EYS: variants seen among roughly 807,000 people sequenced by gnomAD.
EYS encodes the protein EGF-like photoreceptor maintenance factor.
In EYS, 250 loss-of-function variants were observed where a neutral mutation model predicts 282.1. That is an observed-to-expected ratio of 0.89 (90% CI 0.80 to 0.98). EYS has a LOEUF of 0.98. Among genes scored for constraint, EYS ranks in the 50% least tolerant of loss-of-function variants. The pLI is 0.00. For synonymous variants in EYS, 1,355 were observed against 1,282.9 expected, an observed-to-expected ratio of 1.06 and a Z score of -1.20; for missense variants, 4,016 against 3,709.0, an observed-to-expected ratio of 1.08 and a Z score of -2.15.
chr6:65,383,589 GA>G lies in EYS; in HGVS notation c.1299+796del, dbSNP rs1014574287. 5.5e-3 allele frequency among the ~76,000 whole-genome samples: 782 copies of G among 143,066 alleles called. 4 individuals carry two copies. The highest frequency in any genetic ancestry group is 9.3e-3 in the Non-Finnish European group (607 of 65,160). The allele number at this position is 143,066 out of a possible 152,430, so 93.9% of individuals were successfully genotyped here. ...TTATTTCTCAAAAAAATTATTTTTT[GA>G]AAAAAAAAAGCTTTGCAGAAACATT... is the stretch of plus-strand genomic sequence containing the variant. On this transcript the variant is annotated intron_variant, in intron 8 of 42. Coordinates refer to ENST00000503581, the MANE Select transcript of EYS (RefSeq NM_001142800.2).
At chr6:64,412,846 T>A (rs559309388) in intron 28 of EYS, 2 of 152,014 alleles carry the variant, frequency 1.3e-5, no homozygotes, top group Non-Finnish European at 2.9e-5. Context: ...TAAAACAAAC[T>A]AAAAATTCAC....
chr6:64,596,544 A>C (rs1199813781), intron 24 of EYS, among the ~76,000 whole-genome samples: 1 of 152,194 alleles, frequency 6.6e-6, no homozygotes, highest in Non-Finnish European at 1.5e-5. Flanking sequence ...AGAATAGAGA[A>C]GAAAGAGATA....
intron 12 of EYS, among the ~76,000 whole-genome samples, chr6:65,139,943 T>C (rs1764286391): frequency 6.6e-6 from 1 of 152,070 alleles, no homozygotes; most frequent in Admixed American, 6.6e-5. Context: ...GCTAAAAAGA[T>C]GATTTTTTAA....
chr6:65,200,569 A>G (rs1765876088), intron 12 of EYS, among the ~76,000 whole-genome samples: 1 of 151,684 alleles, frequency 6.6e-6, no homozygotes, highest in Non-Finnish European at 1.5e-5. Context: ...ATGCTAAACT[A>G]AGAGGAAGGT....
At chr6:63,855,595 A>G (rs1486432091) in intron 36 of EYS, among the ~76,000 whole-genome samples, 4 of 152,204 alleles carry the variant, frequency 2.6e-5, no homozygotes, top group Admixed American at 2.0e-4. Flanking sequence ...TTCAGAACCT[A>G]CCATGTGTCA....
chr6:64,565,198 AT>A (rs1236443811), intron 26 of EYS, among the ~76,000 whole-genome samples: 1 of 151,910 alleles, frequency 6.6e-6, no homozygotes, highest in Non-Finnish European at 1.5e-5. Flanking sequence ...ATTTCATGCA[AT>A]CTCATCTATT....
chr6:64,534,215 A>G (rs1373774917), intron 26 of EYS, among the ~76,000 whole-genome samples: 2 of 151,902 alleles, frequency 1.3e-5, no homozygotes, highest in East Asian at 3.8e-4. Context: ...ATGCATACGA[A>G]TTTAGCATGA....
rs138821463 is a variant in EYS at position 64,149,079 on chromosome 6, A to G, written c.6425-67077T>C. Among the ~76,000 whole-genome samples the G allele has an allele frequency of 5.8e-4, 89 of 152,280 alleles. 2 individuals are homozygous for G. The highest frequency in any genetic ancestry group is 2.0e-3 in the African/African-American group (85 of 41,572). ...TTTCCTTTGTTTTGCTTTTCTCATT[A>G]TCTGTCCCTGACATAGATATCATTT... is the stretch of plus-strand genomic sequence containing the variant. On this transcript the variant is annotated intron_variant, in intron 31 of 42. Coordinates refer to ENST00000503581, the MANE Select transcript of EYS (RefSeq NM_001142800.2).
intron 5 of EYS, among the ~76,000 whole-genome samples, chr6:65,442,971 T>A (rs1368068842): frequency 1.3e-5 from 2 of 151,726 alleles, no homozygotes; most frequent in African/African-American, 4.8e-5. Flanking sequence ...TGTACATATA[T>A]GTATATATAC....
In EYS at chr6:64,618,441, T is replaced by C. The variant is rs566139285; in HGVS notation, c.3569-908A>G. ...CTCACTGCTCACTGACTATGCTTAC[T>C]CTAATCACAACTTTTTAACTTTTCT... is the stretch of plus-strand genomic sequence containing the variant. On this transcript the variant is annotated intron_variant, in intron 23 of 42. Transcript: ENST00000503581. Among the ~76,000 whole-genome samples, 9 of 152,268 alleles carry C rather than the reference T, an allele frequency of 5.9e-5. No homozygotes were observed. The South Asian group carries it at 8.3e-4, about 14-fold the overall frequency.
intron 2 of EYS, among the ~76,000 whole-genome samples, chr6:65,616,038 A>T (rs1008420177): frequency 6.6e-6 from 1 of 151,622 alleles, no homozygotes; most frequent in African/African-American, 2.4e-5. Context: ...AGTTAGAAGA[A>T]CATGTTAATG....
intron 5 of EYS, among the ~76,000 whole-genome samples, chr6:65,473,400 C>A (rs558235772): frequency 6.6e-6 from 1 of 151,656 alleles, no homozygotes; most frequent in East Asian, 1.9e-4. Flanking sequence ...TGTGTCAATA[C>A]CTAAGAAAAG....
chr6:64,100,491 C>A (rs747217554), intron 31 of EYS, among the ~76,000 whole-genome samples: 1 of 151,870 alleles, frequency 6.6e-6, no homozygotes, highest in Non-Finnish European at 1.5e-5. Flanking sequence ...TATAATGCTG[C>A]TGTTTATTTT....
intron 29 of EYS, among the ~76,000 whole-genome samples, chr6:64,361,166 C>T (rs182895323): frequency 1.9e-4 from 28 of 151,324 alleles, no homozygotes; most frequent in Middle Eastern, 3.4e-3. Context: ...TATAAGAATA[C>T]ATTTTTAGAT....
chr6:65,365,768 C>A (rs1489617651), intron 8 of EYS, among the ~76,000 whole-genome samples: 1 of 151,652 alleles, frequency 6.6e-6, no homozygotes, highest in Non-Finnish European at 1.5e-5. Flanking sequence ...CCAAAACTTA[C>A]TGAGGCTAAA....
At chr6:63,802,162 TA>T (rs1202490991) in intron 37 of EYS, among the ~76,000 whole-genome samples, 4 of 152,250 alleles carry the variant, frequency 2.6e-5, no homozygotes, top group African/African-American at 9.6e-5. Context: ...TTCATAGCTT[TA>T]TGCTATATAA....
At chr6:63,743,962 G>A (rs542814378) in intron 41 of EYS, 1 of 152,302 alleles carries the variant, frequency 6.6e-6, no homozygotes, top group East Asian at 1.9e-4. Flanking sequence ...CAGCAGTAGT[G>A]AGGGAAATGG....
chr6:64,248,871 C>A (rs1582483468), intron 30 of EYS, among the ~76,000 whole-genome samples: 1 of 151,836 alleles, frequency 6.6e-6, no homozygotes, highest in South Asian at 2.1e-4. Flanking sequence ...GCCTGGGCAA[C>A]ATGGTGAAAC....
rs1170062676 is a variant in EYS, at chr6:64,681,509, TAGAC to T, written c.3444-55268_3444-55265del. 2.6e-5 allele frequency among the ~76,000 whole-genome samples: 4 copies of T among 152,284 alleles called. No homozygotes were observed. The East Asian group carries it at 7.7e-4, about 29-fold the overall frequency. On this transcript the variant is annotated intron_variant, in intron 22 of 42. Transcript: ENST00000503581. ...GCTACAATTTAGGTAGTTAGGCAGT[TAGAC>T]AGGCATGAGTGGGGCTGGCGAGGGC... is the stretch of plus-strand genomic sequence containing the variant.
Sources: allele counts gnomAD v4.1 joint callset (sites outside exome capture counted in the v4.1 genomes callset), GRCh38; gene constraint gnomAD v4.1.1; transcripts MANE v1.5; gene names NCBI Gene and HGNC (gene_info 2026-07-23, HGNC 2026-07-21).